ZNF407: variants seen among roughly 807,000 people sequenced by gnomAD.
The protein encoded by ZNF407 is zinc finger protein 407.
A neutral mutation model predicts 131.2 loss-of-function variants in ZNF407; 17 were observed. The observed-to-expected ratio is 0.13, with a 90% CI of 0.09 to 0.19. The LOEUF (loss-of-function observed/expected upper bound fraction) is 0.19, where lower values mean the gene tolerates loss of function less well. Among genes scored for constraint, ZNF407 ranks in the 10% least tolerant of loss-of-function variants. ZNF407 has a pLI of 1.00. For synonymous variants in ZNF407, 1,156 were observed against 1,062.0 expected, an observed-to-expected ratio of 1.09 and a Z score of -1.72; for missense variants, 2,681 against 2,830.6, an observed-to-expected ratio of 0.95 and a Z score of 1.20.
chr18:74,925,425 T>C (rs1971900827), intron 8 of ZNF407, among the ~76,000 whole-genome samples: 1 of 152,248 alleles, frequency 6.6e-6, no homozygotes, highest in African/African-American at 2.4e-5. Context: ...AGTCCCTTTT[T>C]CTGCCTCATT....
At chr18:74,982,481 C>T (rs1303511675) in intron 8 of ZNF407, among the ~76,000 whole-genome samples, 1 of 152,094 alleles carries the variant, frequency 6.6e-6, no homozygotes. Context: ...TTTCCAGTGA[C>T]TGTTGATTTG....
chr18:74,782,227 A>G (rs980204037), intron 4 of ZNF407, among the ~76,000 whole-genome samples: 1 of 152,206 alleles, frequency 6.6e-6, no homozygotes, highest in Non-Finnish European at 1.5e-5. Flanking sequence ...TCTCCAAGGT[A>G]GGATCCAAAA....
intron 7 of ZNF407, among the ~76,000 whole-genome samples, chr18:74,897,214 C>T (rs1421580601): frequency 6.6e-6 from 1 of 152,114 alleles, no homozygotes; most frequent in Non-Finnish European, 1.5e-5. Context: ...AGTAAAAGAT[C>T]TTACAAACTT....
At chr18:74,996,380 A>G (rs1364062030) in intron 8 of ZNF407, among the ~76,000 whole-genome samples, 1 of 152,242 alleles carries the variant, frequency 6.6e-6, no homozygotes, top group East Asian at 1.9e-4. Context: ...ATGGCAGTAA[A>G]AATGATTGGT....
At chr18:74,698,718 G>T (rs942401009) in intron 3 of ZNF407, among the ~76,000 whole-genome samples, 1 of 152,316 alleles carries the variant, frequency 6.6e-6, no homozygotes, top group African/African-American at 2.4e-5. Flanking sequence ...TGTAAACTGA[G>T]AATTGTAGCA....
At chr18:74,645,043 T>C (rs1984904486) in intron 3 of ZNF407, among the ~76,000 whole-genome samples, 1 of 152,068 alleles carries the variant, frequency 6.6e-6, no homozygotes, top group African/African-American at 2.4e-5. Flanking sequence ...CTCTCCCCAA[T>C]ACTTTCCCTA....
chr18:74,978,523 C>T (rs1235983825), intron 8 of ZNF407, among the ~76,000 whole-genome samples: 2 of 151,928 alleles, frequency 1.3e-5, no homozygotes, highest in Non-Finnish European at 2.9e-5. Flanking sequence ...AGACCAACTA[C>T]AAGAGGCAGC....
intron 8 of ZNF407, among the ~76,000 whole-genome samples, chr18:75,029,304 T>A (rs1973209460): frequency 6.6e-6 from 1 of 152,246 alleles, no homozygotes; most frequent in African/African-American, 2.4e-5. Flanking sequence ...AGCTCAGTGC[T>A]ATTTCTTGTG....
intron 8 of ZNF407, among the ~76,000 whole-genome samples, chr18:74,941,729 CAG>C (rs760370120): frequency 9.9e-5 from 15 of 152,106 alleles, no homozygotes; most frequent in Admixed American, 2.0e-4. Context: ...TATAGAGCTA[CAG>C]AAAAATGCTT....
At chr18:74,646,764 T>G (rs1246735864) in intron 3 of ZNF407, among the ~76,000 whole-genome samples, 4 of 152,226 alleles carry the variant, frequency 2.6e-5, no homozygotes, top group South Asian at 4.1e-4. Context: ...CTCGTGTATT[T>G]TCCAGTGAAC....
intron 1 of ZNF407, among the ~76,000 whole-genome samples, chr18:74,602,293 G>A (rs1982618849): frequency 6.6e-6 from 1 of 152,196 alleles, no homozygotes; most frequent in Admixed American, 6.5e-5. Context: ...ACCTTTTGCG[G>A]GAGAAGGTAG....
chr18:74,861,767 A>G, intron 4 of ZNF407, among the ~76,000 whole-genome samples: 1 of 152,200 alleles, frequency 6.6e-6, no homozygotes, highest in Non-Finnish European at 1.5e-5. Context: ...GTTATATTCA[A>G]TACCCTTTCA....
intron 4 of ZNF407, among the ~76,000 whole-genome samples, chr18:74,786,376 C>CT (rs1259352472): frequency 2.0e-5 from 3 of 152,136 alleles, no homozygotes; most frequent in Admixed American, 6.5e-5. Flanking sequence ...TCAGTCACCT[C>CT]TGTGTCCAGG....
intron 8 of ZNF407, 33 bp downstream of exon 8, chr18:74,920,725 A>G (rs1201713080): frequency 4.4e-6 from 7 of 1,576,104 alleles, no homozygotes; most frequent in South Asian, 1.1e-5. Context: ...ACTTGTTTCT[A>G]ACAGGATTTC....
At chr18:75,035,864 A>G (rs1218367137) in intron 8 of ZNF407, among the ~76,000 whole-genome samples, 1 of 152,264 alleles carries the variant, frequency 6.6e-6, no homozygotes, top group East Asian at 1.9e-4. Context: ...AATAGGATCT[A>G]TAGGTATTAG....
chr18:74,713,874 T>C (rs149987680), intron 3 of ZNF407, among the ~76,000 whole-genome samples: 131 of 152,310 alleles, frequency 8.6e-4, no homozygotes, highest in Non-Finnish European at 1.6e-3. Flanking sequence ...TGGACTTCTT[T>C]GAATATTATG....
intron 4 of ZNF407, among the ~76,000 whole-genome samples, chr18:74,785,710 A>G (rs952508962): frequency 3.3e-5 from 5 of 152,180 alleles, no homozygotes; most frequent in African/African-American, 1.2e-4. Flanking sequence ...AATATCTGAA[A>G]CAGCAGCATC....
chr18:74,626,728 C>G (rs892623996), intron 1 of ZNF407, among the ~76,000 whole-genome samples: 1 of 152,182 alleles, frequency 6.6e-6, no homozygotes, highest in Non-Finnish European at 1.5e-5. Context: ...CTCACACATG[C>G]AGTAAAAGCG....
At chr18:74,728,026 A>C (rs1416329903) in intron 3 of ZNF407, among the ~76,000 whole-genome samples, 1 of 152,168 alleles carries the variant, frequency 6.6e-6, no homozygotes, top group Non-Finnish European at 1.5e-5. Context: ...TTCCTCATCC[A>C]GGACCCTTGG....
Sources: allele counts gnomAD v4.1 joint callset (sites outside exome capture counted in the v4.1 genomes callset), GRCh38; gene constraint gnomAD v4.1.1; transcripts MANE v1.5; gene names NCBI Gene and HGNC (gene_info 2026-07-23, HGNC 2026-07-21).